WAC: variants seen among roughly 807,000 people sequenced by gnomAD.
WAC encodes WW domain containing adaptor with coiled-coil.
WAC carries 11 observed loss-of-function variants against 79.6 expected under a neutral mutation model. That is an observed-to-expected ratio of 0.14 (90% CI 0.09 to 0.23). The LOEUF (loss-of-function observed/expected upper bound fraction) is 0.23. WAC is among the 10% of genes least tolerant of loss of function. WAC has a pLI of 1.00. For synonymous variants in WAC, 304 were observed against 276.9 expected, an observed-to-expected ratio of 1.10 and a Z score of -0.97; for missense variants, 728 against 773.5, an observed-to-expected ratio of 0.94 and a Z score of 0.70.
chr10:28,612,660 T>G (rs1214065413), intron 10 of WAC, among the ~76,000 whole-genome samples: 1 of 151,328 alleles, frequency 6.6e-6, no homozygotes, highest in African/African-American at 2.4e-5. Context: ...GAAATATAAC[T>G]TGAAAGAGGT....
At chr10:28,614,503 A>C in intron 10 of WAC, 64 bp from the exon 11 acceptor site, 3 of 1,263,744 alleles carry the variant, frequency 2.4e-6, no homozygotes, top group Non-Finnish European at 3.5e-6. Context: ...ACGATTACCT[A>C]GATTTTGGGG....
At chr10:28,578,390 A>G (rs561742028) in intron 3 of WAC, among the ~76,000 whole-genome samples, 1 of 152,310 alleles carries the variant, frequency 6.6e-6, no homozygotes, top group Admixed American at 6.5e-5. Context: ...AAGAGAATAA[A>G]GACACTAAGA....
chr10:28,594,139 G>A (rs332157), intron 6 of WAC, among the ~76,000 whole-genome samples: 88,147 of 151,876 alleles, frequency 0.58, 26,151 homozygotes, highest in African/African-American at 0.68. Context: ...CAGCTATAGC[G>A]TCCCCTGTTC....
intron 3 of WAC, among the ~76,000 whole-genome samples, chr10:28,573,631 A>G (rs1453141574): frequency 6.6e-6 from 1 of 152,202 alleles, no homozygotes; most frequent in Non-Finnish European, 1.5e-5. Context: ...AGAACTGAAG[A>G]ATTAAGGACT....
At chr10:28,581,514 C>T (rs1308357800) in intron 3 of WAC, among the ~76,000 whole-genome samples, 1 of 152,000 alleles carries the variant, frequency 6.6e-6, no homozygotes, top group Non-Finnish European at 1.5e-5. Context: ...CTCTGGGCTT[C>T]TGTTAACTTT....
intron 3 of WAC, among the ~76,000 whole-genome samples, chr10:28,577,091 A>G (rs1483256069): frequency 3.3e-5 from 5 of 152,154 alleles, no homozygotes; most frequent in Admixed American, 6.5e-5. Context: ...AATTGTTGAT[A>G]CTTGTTGTGA....
intron 3 of WAC, among the ~76,000 whole-genome samples, chr10:28,579,778 A>G (rs796520744): frequency 1.2e-4 from 19 of 152,186 alleles, no homozygotes; most frequent in African/African-American, 4.3e-4. Context: ...CAAAGAAAGT[A>G]TGTAAGGTAA....
At chr10:28,547,483 C>T (rs549192830) in intron 3 of WAC, among the ~76,000 whole-genome samples, 9 of 151,784 alleles carry the variant, frequency 5.9e-5, no homozygotes, top group African/African-American at 2.2e-4. Context: ...TGCAGTGAGC[C>T]TGGGTCATGC....
At chr10:28,615,098 T>C (rs1841416264) in intron 11 of WAC, 1 of 163,750 alleles carries the variant, frequency 6.1e-6, no homozygotes, top group Non-Finnish European at 1.3e-5. Context: ...CCAACTGGTA[T>C]ATGTCAGGCT....
chr10:28,578,405 T>C (rs1005316048), intron 3 of WAC, among the ~76,000 whole-genome samples: 1 of 152,210 alleles, frequency 6.6e-6, no homozygotes, highest in African/African-American at 2.4e-5. Flanking sequence ...CTAAGACTTC[T>C]AAGTCTGTGG....
chr10:28,614,259 C>T (rs1415181100), intron 10 of WAC, among the ~76,000 whole-genome samples: 2 of 152,124 alleles, frequency 1.3e-5, no homozygotes, highest in African/African-American at 2.4e-5. Flanking sequence ...GCGCCCGCCA[C>T]TGCGCCCGGC....
chr10:28,533,850 G>A (rs972520653), intron 1 of WAC, 148 bp from the exon 2 acceptor site: 37 of 1,095,910 alleles, frequency 3.4e-5, no homozygotes, highest in African/African-American at 5.0e-5. Context: ...CGGAGGCTCC[G>A]GGTTTGTGCC....
At chr10:28,554,229 C>T (rs1837860130) in intron 3 of WAC, among the ~76,000 whole-genome samples, 1 of 152,150 alleles carries the variant, frequency 6.6e-6, no homozygotes, top group African/African-American at 2.4e-5. Flanking sequence ...TACACTACTT[C>T]ATATAAGGGA....
At chr10:28,539,590 A>G (rs1589122918) in intron 3 of WAC, among the ~76,000 whole-genome samples, 1 of 150,670 alleles carries the variant, frequency 6.6e-6, no homozygotes. Context: ...TTTTCTGGAG[A>G]CAGAGTTGCC....
intron 10 of WAC, among the ~76,000 whole-genome samples, chr10:28,614,068 AT>A (rs922825286): frequency 6.6e-6 from 1 of 152,180 alleles, no homozygotes; most frequent in Non-Finnish European, 1.5e-5. Context: ...AGAGATAATA[AT>A]GTATTGGAAA....
rs1333939265 is a variant in WAC, at chr10:28,571,350, T to C, written c.275-12049T>C. On this transcript the variant is annotated intron_variant, in intron 3 of 13. Coordinates refer to ENST00000354911, the MANE Select transcript of WAC (RefSeq NM_016628.5). The stretch of plus-strand genomic sequence containing the variant: ...AGAATTTGTTATTCAGAAGATGAGA[T>C]CTGTTCTTTCTTTAGTTTAGTATCC... 2.6e-5 allele frequency among the ~76,000 whole-genome samples: 4 copies of C among 152,142 alleles called. No homozygotes were observed. The South Asian group carries it at 8.3e-4, about 32-fold the overall frequency.
In WAC at chr10:28,535,645, A is replaced by C. The variant is rs1298890455; in HGVS notation, c.162A>C (p.Pro54=). 6.2e-7 allele frequency: 1 copy of C among 1,614,090 alleles called. No homozygotes were observed. The highest frequency in any genetic ancestry group is 8.5e-7 in the Non-Finnish European group (1 of 1,180,002). ...EKMRDAGDPS[P]PNKMLRRSDS... ...TGCGAGACGCCGGAGATCCTTCACCACCAAATAAAATGTTGCGGAGATCTG... is the reference window on the plus strand; with the variant it reads ...TGCGAGACGCCGGAGATCCTTCACCCCCAAATAAAATGTTGCGGAGATCTG... Residue 54 remains proline (P), a synonymous_variant, in exon 3 of 14, where the codon CCA becomes CCC. Transcript: ENST00000354911.
At chr10:28,611,946 C>T (rs200936230) in intron 10 of WAC, 24 bp downstream of exon 10, 44 of 1,598,018 alleles carry the variant, frequency 2.8e-5, no homozygotes, top group Middle Eastern at 1.7e-4. Flanking sequence ...GAGGGACATT[C>T]GGAAAAGAAA....
At chr10:28,563,762 T>G (rs1838432706) in intron 3 of WAC, among the ~76,000 whole-genome samples, 1 of 137,876 alleles carries the variant, frequency 7.3e-6, no homozygotes. Flanking sequence ...TTTTTTTTTT[T>G]TTTTTTTTTT....
Sources: gnomAD v4.1 joint callset for allele counts (sites outside exome capture counted in the v4.1 genomes callset) on GRCh38, gnomAD v4.1.1 for gene constraint, MANE v1.5 for transcripts, NCBI Gene and HGNC (gene_info 2026-07-23, HGNC 2026-07-21) for gene names.